The following ATRNL1 variants were observed in gnomAD, a reference collection of about 807,000 sequenced individuals.
ATRNL1 encodes the protein attractin like 1, also known as attractin-like protein 1.
ATRNL1 carries 95 observed loss-of-function variants against 182.7 expected under a neutral mutation model. The observed-to-expected ratio is 0.52, with a 90% CI of 0.44 to 0.62. ATRNL1 has a LOEUF of 0.62. ATRNL1 is among the 20% of genes least tolerant of loss of function. ATRNL1 has a pLI of 0.00. For missense variants in ATRNL1, 1,471 were observed against 1,679.5 expected, an observed-to-expected ratio of 0.88 and a Z score of 2.17; for synonymous variants, 576 against 568.3, an observed-to-expected ratio of 1.01 and a Z score of -0.19.
At chr10:115,764,188 T>A (rs1948800694) in intron 27 of ATRNL1, among the ~76,000 whole-genome samples, 1 of 152,150 alleles carries the variant, frequency 6.6e-6, no homozygotes, top group African/African-American at 2.4e-5. Context: ...ACAGCAAAAT[T>A]TAGAGGTAGG....
rs565867027 is a variant in ATRNL1 at position 115,634,420 on chromosome 10, G to T, written c.3795+84884G>T. 3.9e-5 allele frequency among the ~76,000 whole-genome samples: 6 copies of T among 151,936 alleles called. No individual in the cohort carries two copies. In the South Asian group the frequency reaches 1.2e-3, roughly 32 times the overall value. ...TTAGATATTGATAGTTTTAAATTCT[G>T]GTAAAAGGTAACGTTTTATGACTGA... is the stretch of plus-strand genomic sequence containing the variant. On this transcript the variant is annotated intron_variant, in intron 26 of 28. Transcript: ENST00000355044.
intron 26 of ATRNL1, among the ~76,000 whole-genome samples, chr10:115,598,341 T>A (rs566217970): frequency 1.3e-5 from 1 of 75,280 alleles, no homozygotes; most frequent in Non-Finnish European, 2.9e-5. Flanking sequence ...ACATTATTTA[T>A]TTAAAAAAAT....
intron 1 of ATRNL1, among the ~76,000 whole-genome samples, chr10:115,097,766 A>G (rs189952570): frequency 0.013 from 1,946 of 152,224 alleles, 50 homozygotes; most frequent in African/African-American, 0.045. Context: ...TCTACTAAAA[A>G]TACAAAAATT....
At chr10:115,284,785 C>A (rs1398369929) in intron 14 of ATRNL1, among the ~76,000 whole-genome samples, 2 of 151,636 alleles carry the variant, frequency 1.3e-5, no homozygotes, top group African/African-American at 4.8e-5. Flanking sequence ...TGTCAAATGC[C>A]AAATATTGAA....
intron 26 of ATRNL1, among the ~76,000 whole-genome samples, chr10:115,694,927 ACACATG>A (rs1414828183): frequency 1.7e-4 from 19 of 110,636 alleles, no homozygotes; most frequent in African/African-American, 6.9e-4. Flanking sequence ...ACACACACAC[ACACATG>A]CACACACGCA....
At chr10:115,251,493 C>T (rs1285118577) in intron 10 of ATRNL1, among the ~76,000 whole-genome samples, 1 of 152,124 alleles carries the variant, frequency 6.6e-6, no homozygotes, top group Non-Finnish European at 1.5e-5. Flanking sequence ...TTCCTATTGT[C>T]TCCCATCATT....
At chr10:115,224,884 C>G (rs1554898305) in intron 9 of ATRNL1, among the ~76,000 whole-genome samples, 1 of 151,954 alleles carries the variant, frequency 6.6e-6, no homozygotes, top group Non-Finnish European at 1.5e-5. Context: ...CAAATAAAAA[C>G]AAAACAAAAC....
intron 28 of ATRNL1, among the ~76,000 whole-genome samples, chr10:115,863,210 A>T (rs1459043607): frequency 6.6e-6 from 1 of 152,186 alleles, no homozygotes; most frequent in Non-Finnish European, 1.5e-5. Context: ...ATCAGTTAGG[A>T]TGTGGGAGAA....
At chr10:115,661,859 G>A (rs908355906) in intron 26 of ATRNL1, among the ~76,000 whole-genome samples, 27 of 151,932 alleles carry the variant, frequency 1.8e-4, no homozygotes, top group Non-Finnish European at 3.8e-4. Flanking sequence ...CCAGGTTGGT[G>A]TGCTGCACCC....
chr10:115,606,491 AAATAATGAG>A (rs1856880726), intron 26 of ATRNL1, among the ~76,000 whole-genome samples: 1 of 152,064 alleles, frequency 6.6e-6, no homozygotes, highest in South Asian at 2.1e-4. Flanking sequence ...TTCAGAAATA[AAATAATGAG>A]TTTTTGCAGT....
chr10:115,498,863 T>C (rs2133621781), intron 24 of ATRNL1, among the ~76,000 whole-genome samples: 1 of 152,184 alleles, frequency 6.6e-6, no homozygotes, highest in Non-Finnish European at 1.5e-5. Context: ...TACTTGCTAC[T>C]TTCAGCTTTT....
chr10:115,453,531 T>C (rs1167720030), intron 21 of ATRNL1, among the ~76,000 whole-genome samples: 1 of 152,136 alleles, frequency 6.6e-6, no homozygotes, highest in African/African-American at 2.4e-5. Flanking sequence ...ACTTTTTAGT[T>C]TGATGTAATT....
intron 24 of ATRNL1, among the ~76,000 whole-genome samples, chr10:115,470,414 G>T (rs1848251799): frequency 6.7e-6 from 1 of 150,176 alleles, no homozygotes; most frequent in South Asian, 2.1e-4. Context: ...ATAAATATTT[G>T]TTTTTAAAAT....
intron 17 of ATRNL1, among the ~76,000 whole-genome samples, chr10:115,303,979 T>C (rs533557708): frequency 6.6e-6 from 1 of 152,286 alleles, no homozygotes; most frequent in South Asian, 2.1e-4. Context: ...CTAATTCCTT[T>C]CTCCTAACAG....
chr10:115,565,541 T>C (rs1271553002), intron 26 of ATRNL1, among the ~76,000 whole-genome samples: 1 of 152,072 alleles, frequency 6.6e-6, no homozygotes, highest in African/African-American at 2.4e-5. Context: ...ATTCAAGTTC[T>C]GGCTTTCTAC....
At chr10:115,120,037 A>G (rs1554871098) in intron 1 of ATRNL1, 148 bp from the exon 2 acceptor site, 3 of 553,618 alleles carry the variant, frequency 5.4e-6, no homozygotes, top group African/African-American at 2.0e-5. Context: ...GCACTTTGAA[A>G]TTTTCCTAAG....
chr10:115,799,904 G>A lies in ATRNL1; in HGVS notation c.3904-47973G>A, dbSNP rs547512267. On this transcript the variant is annotated intron_variant, in intron 27 of 28. Coordinates refer to ENST00000355044, the MANE Select transcript of ATRNL1 (RefSeq NM_207303.4). ...CTCACAGTAACCTGTATGGTAATGGGTACTGATACTTTTCTTCTTTTAGTA... is the reference window on the plus strand; with the variant it reads ...CTCACAGTAACCTGTATGGTAATGGATACTGATACTTTTCTTCTTTTAGTA... Among the ~76,000 whole-genome samples, 4 of 152,186 alleles carry A rather than the reference G, an allele frequency of 2.6e-5. No homozygotes were observed. The South Asian group carries it at 8.3e-4, about 32-fold the overall frequency.
chr10:115,607,033 C>T (rs1856910544), intron 26 of ATRNL1, among the ~76,000 whole-genome samples: 1 of 151,944 alleles, frequency 6.6e-6, no homozygotes, highest in Admixed American at 6.6e-5. Flanking sequence ...GATGATATTT[C>T]TCAATGACTT....
At chr10:115,431,679 A>C in intron 21 of ATRNL1, among the ~76,000 whole-genome samples, 1 of 152,120 alleles carries the variant, frequency 6.6e-6, no homozygotes, top group East Asian at 1.9e-4. Context: ...ATGAACTTAT[A>C]GATCCATACA....
Sources: allele counts gnomAD v4.1 joint callset (sites outside exome capture counted in the v4.1 genomes callset), GRCh38; gene constraint gnomAD v4.1.1; transcripts MANE v1.5; gene names NCBI Gene and HGNC (gene_info 2026-07-23, HGNC 2026-07-21).